STK33: variants seen among roughly 807,000 people sequenced by gnomAD.
STK33 encodes serine/threonine kinase 33.
Under a neutral mutation model 58.0 loss-of-function variants are expected in STK33, and 52 were observed. The observed-to-expected ratio is 0.90, with a 90% CI of 0.72 to 1.13. The LOEUF is 1.13. Among genes scored for constraint, STK33 ranks in the 50% most tolerant of loss-of-function variants. The pLI is 0.00. For missense variants in STK33, 630 were observed against 604.2 expected (o/e 1.04, Z -0.45); for synonymous variants, 215 against 200.1 (o/e 1.07, Z -0.63).
chr11:8,343,823 C>T, the STK33 span, among the ~76,000 whole-genome samples: 3 of 152,204 alleles, frequency 2.0e-5, no homozygotes, highest in Non-Finnish European at 2.9e-5. Flanking sequence ...GCCCCAGCCC[C>T]TCATCCTGGC....
chr11:8,382,947 T>A, the STK33 span, among the ~76,000 whole-genome samples: 1 of 152,264 alleles, frequency 6.6e-6, no homozygotes, highest in African/African-American at 2.4e-5. Flanking sequence ...TCTTTAGCAG[T>A]CACTGAAAGT....
intron 1 of STK33, among the ~76,000 whole-genome samples, chr11:8,542,299 C>A (rs1483206946): frequency 1.3e-5 from 2 of 152,184 alleles, no homozygotes; most frequent in African/African-American, 4.8e-5. Context: ...AGATAGGGCA[C>A]TGACCAGGAA....
intron 1 of STK33, among the ~76,000 whole-genome samples, chr11:8,491,237 A>G (rs922831647): frequency 1.3e-5 from 2 of 152,258 alleles, no homozygotes; most frequent in African/African-American, 4.8e-5. Context: ...AACAGTGTAG[A>G]AAAGAACTTA....
chr11:8,342,995 G>A, the STK33 span, among the ~76,000 whole-genome samples: 1 of 152,244 alleles, frequency 6.6e-6, no homozygotes, highest in Non-Finnish European at 1.5e-5. Context: ...TCCCCAGGCA[G>A]GCATTTGCAT....
At chr11:8,478,127 A>G (rs1949453741) in intron 2 of STK33, among the ~76,000 whole-genome samples, 1 of 152,208 alleles carries the variant, frequency 6.6e-6, no homozygotes, top group Non-Finnish European at 1.5e-5. Context: ...TTACGAATTG[A>G]TCTGAAAGAT....
At chr11:8,409,706 C>G (rs772927873) in intron 15 of STK33, among the ~76,000 whole-genome samples, 14 of 152,122 alleles carry the variant, frequency 9.2e-5, no homozygotes, top group Non-Finnish European at 2.1e-4. Flanking sequence ...CCCAAAGGAG[C>G]CTTGATACAG....
intron 14 of STK33, among the ~76,000 whole-genome samples, chr11:8,424,592 T>C (rs1288262011): frequency 7.3e-5 from 11 of 151,602 alleles, no homozygotes; most frequent in Admixed American, 7.2e-4. Context: ...TGAACTAGTT[T>C]ACAGTCCCAC....
At chr11:8,403,470 TGAA>T (rs1260831483) in intron 15 of STK33, among the ~76,000 whole-genome samples, 34 of 152,306 alleles carry the variant, frequency 2.2e-4, no homozygotes, top group Middle Eastern at 6.8e-3. Context: ...ATCTATAAAA[TGAA>T]GAAGGAGGCA....
intron 15 of STK33, among the ~76,000 whole-genome samples, chr11:8,404,645 G>T (rs1174203040): frequency 6.6e-6 from 1 of 152,136 alleles, no homozygotes; most frequent in East Asian, 1.9e-4. Flanking sequence ...CTATGTAATA[G>T]TAACTCATTT....
intron 11 of STK33, among the ~76,000 whole-genome samples, chr11:8,451,702 AT>A (rs1216598275): frequency 5.9e-5 from 9 of 152,224 alleles, no homozygotes; most frequent in African/African-American, 2.2e-4. Context: ...CTGTGGATGT[AT>A]GAAAAATCAT....
intron 9 of STK33, among the ~76,000 whole-genome samples, chr11:8,457,029 T>C (rs1430446435): frequency 6.6e-6 from 1 of 152,192 alleles, no homozygotes; most frequent in African/African-American, 2.4e-5. Flanking sequence ...AACATACAGA[T>C]TCTAATGTTA....
chr11:8,395,300 C>T (rs1220108617), intron 15 of STK33, among the ~76,000 whole-genome samples: 12 of 152,130 alleles, frequency 7.9e-5, no homozygotes, highest in Admixed American at 3.3e-4. Flanking sequence ...ATAAGTCTCA[C>T]GAAATCTGAT....
the STK33 span, among the ~76,000 whole-genome samples, chr11:8,369,518 C>T: frequency 8.0e-6 from 1 of 125,436 alleles, no homozygotes; most frequent in Admixed American, 9.9e-5. Flanking sequence ...GTGTGGAAAG[C>T]TTCCTTGCAG....
the STK33 span, among the ~76,000 whole-genome samples, chr11:8,357,049 G>A: frequency 6.6e-5 from 10 of 152,314 alleles, no homozygotes; most frequent in Middle Eastern, 3.4e-3. Flanking sequence ...GGGTGCCCAA[G>A]CCCCAGCTGT....
chr11:8,440,775 AATAACATTAATAAT>A, intron 11 of STK33, 22 bp from the exon 12 acceptor site: 2 of 1,541,716 alleles, frequency 1.3e-6, no homozygotes, highest in Non-Finnish European at 1.8e-6. Flanking sequence ...GCAGATATAA[AATAACATTAATAAT>A]ACAATAAATG....
chr11:8,490,316 C>CA (rs1375206995), intron 1 of STK33, among the ~76,000 whole-genome samples: 1 of 152,200 alleles, frequency 6.6e-6, no homozygotes, highest in African/African-American at 2.4e-5. Flanking sequence ...TGCTCACTGC[C>CA]AGCACAGCAG....
chr11:8,462,767 C>T (rs1333221073), intron 7 of STK33, among the ~76,000 whole-genome samples: 1 of 152,120 alleles, frequency 6.6e-6, no homozygotes, highest in Non-Finnish European at 1.5e-5. Context: ...AATTGATAAT[C>T]TACAATGTCC....
intron 1 of STK33, among the ~76,000 whole-genome samples, chr11:8,490,637 T>A (rs1180598707): frequency 6.6e-6 from 1 of 152,112 alleles, no homozygotes; most frequent in Non-Finnish European, 1.5e-5. Flanking sequence ...CTGACCCCTG[T>A]GTAGCCTAAC....
At chr11:8,520,321 C>T (rs1953286719) in intron 1 of STK33, among the ~76,000 whole-genome samples, 1 of 152,250 alleles carries the variant, frequency 6.6e-6, no homozygotes, top group South Asian at 2.1e-4. Context: ...TCTCAATAAA[C>T]TAGGTATTGA....
Sources: allele counts gnomAD v4.1 joint callset (sites outside exome capture counted in the v4.1 genomes callset), GRCh38; gene constraint gnomAD v4.1.1; transcripts MANE v1.5; gene names NCBI Gene and HGNC (gene_info 2026-07-23, HGNC 2026-07-21).